PALS1: variants seen among roughly 807,000 people sequenced by gnomAD.
PALS1 encodes the protein protein PALS1.
In PALS1, 31 loss-of-function variants were observed where a neutral mutation model predicts 78.9. The ratio of observed to expected loss-of-function variants is 0.39; its 90% CI spans 0.30 to 0.53. The LOEUF is 0.53. PALS1 is among the 20% of genes least tolerant of loss of function. The probability of loss-of-function intolerance (pLI) is 0.67; values close to 1 mark genes in which losing one functional copy is unlikely to be tolerated. For synonymous variants in PALS1, 276 were observed against 270.9 expected, an observed-to-expected ratio of 1.02 and a Z score of -0.18; for missense variants, 704 against 826.5, an observed-to-expected ratio of 0.85 and a Z score of 1.82.
intron 1 of PALS1, among the ~76,000 whole-genome samples, chr14:67,265,128 A>T (rs2084301111): frequency 6.6e-6 from 1 of 152,216 alleles, no homozygotes; most frequent in African/African-American, 2.4e-5. Context: ...AAGCTATGAA[A>T]ATAGCAGTTG....
chr14:67,322,792 A>G (rs1307076827), intron 13 of PALS1, among the ~76,000 whole-genome samples: 1 of 152,170 alleles, frequency 6.6e-6, no homozygotes, highest in African/African-American at 2.4e-5. Context: ...TAATCATCTT[A>G]ATGTTTTTAG....
chr14:67,256,963 C>G (rs1773563891), intron 1 of PALS1, among the ~76,000 whole-genome samples: 2 of 152,164 alleles, frequency 1.3e-5, no homozygotes, highest in Non-Finnish European at 1.5e-5. Context: ...GCGGCTGTGA[C>G]ACAGCCTCAG....
chr14:67,330,155 AT>A (rs1160189142), intron 14 of PALS1, among the ~76,000 whole-genome samples: 90 of 132,234 alleles, frequency 6.8e-4, no homozygotes, highest in African/African-American at 2.1e-3. Flanking sequence ...AATAATAATA[AT>A]TATTATTATT....
intron 13 of PALS1, among the ~76,000 whole-genome samples, chr14:67,323,261 G>GTGTGTGTATA (rs1429954753): frequency 8.1e-6 from 1 of 124,140 alleles, no homozygotes; most frequent in Non-Finnish European, 1.8e-5. Flanking sequence ...GTGTGTGTGT[G>GTGTGTGTATA]TATATATATA....
At chr14:67,248,422 AG>A (rs1406685236) in intron 1 of PALS1, among the ~76,000 whole-genome samples, 1 of 152,204 alleles carries the variant, frequency 6.6e-6, no homozygotes, top group African/African-American at 2.4e-5. Context: ...AGTAGAGTCA[AG>A]GTATTCATTA....
In PALS1 at chr14:67,327,551, A is replaced by C. The variant is rs1475160939; in HGVS notation, c.1851+3739A>C. Among the ~76,000 whole-genome samples, 18 of 151,778 alleles carry C rather than the reference A, an allele frequency of 1.2e-4. No homozygotes were observed. The East Asian group carries it at 3.5e-3, about 30-fold the overall frequency. ...CATGTGCACAACATGCAGGTTTGTT[A>C]CGTATGTATACATGTGCCATGTTGG... On this transcript the variant is annotated intron_variant, in intron 14 of 14. Transcript: ENST00000261681.
At chr14:67,281,226 A>G (rs185822257) in intron 3 of PALS1, among the ~76,000 whole-genome samples, 316 of 152,154 alleles carry the variant, frequency 2.1e-3, no homozygotes, top group African/African-American at 7.2e-3. Flanking sequence ...ACTACATCAC[A>G]TCATCTTCTT....
intron 14 of PALS1, among the ~76,000 whole-genome samples, chr14:67,332,528 T>C (rs998929486): frequency 1.3e-5 from 2 of 152,162 alleles, no homozygotes; most frequent in Admixed American, 6.5e-5. Context: ...TAAGACAAAA[T>C]ATGTGAAAAC....
At chr14:67,316,403 A>C (rs2140970989) in intron 9 of PALS1, among the ~76,000 whole-genome samples, 1 of 150,982 alleles carries the variant, frequency 6.6e-6, no homozygotes, top group South Asian at 2.1e-4. Flanking sequence ...GTTTCTTGGA[A>C]TTGAATATGG....
intron 2 of PALS1, among the ~76,000 whole-genome samples, chr14:67,278,753 A>G (rs2084551012): frequency 6.6e-6 from 1 of 152,218 alleles, no homozygotes; most frequent in African/African-American, 2.4e-5. Context: ...CTACTTTGCT[A>G]AACTTTCCAG....
intron 6 of PALS1, 140 bp downstream of exon 6, chr14:67,302,258 CTAAT>C (rs199597745): frequency 8.9e-7 from 1 of 1,122,292 alleles, no homozygotes; most frequent in East Asian, 2.9e-5. Context: ...ACTTTTAAAT[CTAAT>C]TACAATTACT....
In PALS1 at chr14:67,279,176, A is replaced by C. The variant is rs1225362224; in HGVS notation, c.6A>C (p.Thr2=). M[T]TSHMNGHVTE... ...ACAGGTTTTCATAGATAACCATGAC[A>C]ACATCCCATATGAATGGGCATGTTA... Residue 2 remains threonine (T), a synonymous_variant, in exon 3 of 15, where the codon ACA becomes ACC. Coordinates refer to ENST00000261681, the MANE Select transcript of PALS1 (RefSeq NM_022474.4). 1 of 1,586,466 alleles carries C rather than the reference A, an allele frequency of 6.3e-7. No homozygotes were observed. The highest frequency in any genetic ancestry group is 1.9e-5 in the Admixed American group (1 of 53,270).
At chr14:67,266,527 T>C (rs1204955015) in intron 1 of PALS1, among the ~76,000 whole-genome samples, 2 of 152,124 alleles carry the variant, frequency 1.3e-5, no homozygotes, top group African/African-American at 2.4e-5. Flanking sequence ...GGTTTCACCA[T>C]GTTGGCCAGG....
intron 3 of PALS1, among the ~76,000 whole-genome samples, chr14:67,288,454 G>GGC (rs1338984670): frequency 6.6e-6 from 1 of 152,102 alleles, no homozygotes; most frequent in African/African-American, 2.4e-5. Flanking sequence ...CGCTTTGGGT[G>GGC]GACGAGGCAG....
At chr14:67,273,797 T>C (rs2084454469) in intron 2 of PALS1, among the ~76,000 whole-genome samples, 1 of 152,230 alleles carries the variant, frequency 6.6e-6, no homozygotes, top group East Asian at 1.9e-4. Context: ...GTTTCCGACT[T>C]TTTAATGATC....
intron 11 of PALS1, among the ~76,000 whole-genome samples, chr14:67,319,859 A>G (rs992478711): frequency 1.1e-4 from 16 of 152,310 alleles, no homozygotes; most frequent in Admixed American, 1.0e-3. Flanking sequence ...TCTTAAAACA[A>G]CCTTCTTAAG....
intron 4 of PALS1, among the ~76,000 whole-genome samples, chr14:67,295,190 C>T (rs910876313): frequency 2.0e-5 from 3 of 151,174 alleles, no homozygotes; most frequent in African/African-American, 7.3e-5. Flanking sequence ...TGGCTGGGTG[C>T]GGTCTGTAAT....
At chr14:67,246,616 C>T (rs542996276) in intron 1 of PALS1, among the ~76,000 whole-genome samples, 3 of 149,194 alleles carry the variant, frequency 2.0e-5, no homozygotes, top group Admixed American at 1.3e-4. Context: ...GCTAGGATTA[C>T]AGGTGTTAGC....
At chr14:67,313,123 C>G (rs1053850499) in intron 9 of PALS1, among the ~76,000 whole-genome samples, 1 of 152,088 alleles carries the variant, frequency 6.6e-6, no homozygotes, top group Non-Finnish European at 1.5e-5. Context: ...TTGTACCAAA[C>G]GTGATCTTAG....
Sources: gnomAD v4.1 joint callset for allele counts (sites outside exome capture counted in the v4.1 genomes callset) on GRCh38, gnomAD v4.1.1 for gene constraint, MANE v1.5 for transcripts, NCBI Gene and HGNC (gene_info 2026-07-23, HGNC 2026-07-21) for gene names.